CNOT6: variants seen among roughly 807,000 people sequenced by gnomAD.
The protein encoded by CNOT6 is CCR4-NOT transcription complex subunit 6.
A neutral mutation model predicts 61.2 loss-of-function variants in CNOT6; 12 were observed. That is an observed-to-expected ratio of 0.20 (90% CI 0.13 to 0.32). CNOT6 has a LOEUF of 0.32. Ranked by LOEUF, CNOT6 falls within the 10% of genes least tolerant of loss-of-function variation. CNOT6 has a pLI of 1.00. For missense variants in CNOT6, 405 were observed against 663.9 expected, an observed-to-expected ratio of 0.61 and a Z score of 4.28; for synonymous variants, 225 against 240.6, an observed-to-expected ratio of 0.94 and a Z score of 0.60.
At chr5:180,543,576 A>T (rs1319856732) in intron 2 of CNOT6, among the ~76,000 whole-genome samples, 1 of 152,206 alleles carries the variant, frequency 6.6e-6, no homozygotes, top group African/African-American at 2.4e-5. Context: ...ATGTCTTAGC[A>T]TACCTGAACA....
At chr5:180,498,983 G>T (rs935342196) in intron 1 of CNOT6, among the ~76,000 whole-genome samples, 2 of 152,120 alleles carry the variant, frequency 1.3e-5, no homozygotes, top group African/African-American at 2.4e-5. Context: ...TAGAGGCAGG[G>T]TTTCACCATG....
Position 180,562,078 on chromosome 5 carries a change from A to G in CNOT6, c.386-2411A>G, listed in dbSNP as rs377060780. 2.5e-4 allele frequency among the ~76,000 whole-genome samples: 38 copies of G among 152,190 alleles called. No individual in the cohort carries two copies. The South Asian group carries it at 7.5e-3, about 30-fold the overall frequency. ...TTGGGATTCTTTTGGGTCTGTACCC[A>G]TTGGTATTTCCATGTTACTGGCTTC... On this transcript the variant is annotated intron_variant, in intron 4 of 11. Transcript: ENST00000261951.
intron 2 of CNOT6, among the ~76,000 whole-genome samples, chr5:180,549,567 T>G (rs1433637302): frequency 3.3e-5 from 5 of 151,846 alleles, no homozygotes; most frequent in Non-Finnish European, 5.9e-5. Context: ...GAGAATGGCA[T>G]GAACCCGGGA....
intron 2 of CNOT6, among the ~76,000 whole-genome samples, chr5:180,545,675 G>A (rs888318169): frequency 2.0e-5 from 3 of 152,126 alleles, no homozygotes; most frequent in Non-Finnish European, 4.4e-5. Context: ...TAAAGCTGCC[G>A]TGAACATTCC....
chr5:180,552,817 T>C (rs994247993), intron 3 of CNOT6, among the ~76,000 whole-genome samples: 1 of 146,828 alleles, frequency 6.8e-6, no homozygotes, highest in African/African-American at 2.4e-5. Flanking sequence ...AGAATAATCA[T>C]GAACAGTTAA....
At chr5:180,548,095 G>GT (rs888787579) in intron 2 of CNOT6, among the ~76,000 whole-genome samples, 31 of 152,246 alleles carry the variant, frequency 2.0e-4, no homozygotes, top group Middle Eastern at 3.4e-3. Flanking sequence ...ATTTTCTGCT[G>GT]TTTTTTCTTG....
chr5:180,553,864 CTGA>C (rs1759739389), intron 4 of CNOT6, among the ~76,000 whole-genome samples: 1 of 152,078 alleles, frequency 6.6e-6, no homozygotes, highest in South Asian at 2.1e-4. Context: ...TTTGAACCTG[CTGA>C]TGATCAAGAT....
chr5:180,572,004 CT>C (rs34529279), intron 11 of CNOT6, among the ~76,000 whole-genome samples: 1 of 151,962 alleles, frequency 6.6e-6, no homozygotes, highest in South Asian at 2.1e-4. Context: ...ACTTTTTCAC[CT>C]TTTGGGGACA....
intron 4 of CNOT6, among the ~76,000 whole-genome samples, chr5:180,556,131 C>T (rs759071410): frequency 1.3e-5 from 2 of 152,184 alleles, no homozygotes; most frequent in Non-Finnish European, 2.9e-5. Context: ...GTACATAGAA[C>T]AGTCAAGACA....
chr5:180,519,877 T>A (rs1034291065), intron 1 of CNOT6, among the ~76,000 whole-genome samples: 3 of 149,822 alleles, frequency 2.0e-5, no homozygotes, highest in Non-Finnish European at 4.4e-5. Flanking sequence ...CTCTATTGCC[T>A]AGCTGGAGTA....
chr5:180,561,714 G>A (rs1239901265), intron 4 of CNOT6, among the ~76,000 whole-genome samples: 1 of 152,316 alleles, frequency 6.6e-6, no homozygotes, highest in Non-Finnish European at 1.5e-5. Flanking sequence ...ACACCTGGGA[G>A]TGGGGGCTCC....
intron 7 of CNOT6, 101 bp downstream of exon 7, chr5:180,566,078 T>G: frequency 1.8e-6 from 2 of 1,081,196 alleles, no homozygotes; most frequent in Non-Finnish European, 2.6e-6. Context: ...CAGTAGTTCT[T>G]AAAGTACTGC....
At chr5:180,568,126 A>G (rs1465260823) in intron 9 of CNOT6, 123 bp downstream of exon 9, 1 of 923,862 alleles carries the variant, frequency 1.1e-6, no homozygotes, top group Admixed American at 3.4e-5. Flanking sequence ...ACTCAGTGAG[A>G]AGTTGTCTTT....
At chr5:180,536,377 A>G (rs545216530) in intron 2 of CNOT6, among the ~76,000 whole-genome samples, 19 of 152,092 alleles carry the variant, frequency 1.2e-4, no homozygotes, top group East Asian at 7.7e-4. Context: ...GTAGTTGCCA[A>G]TATTTTCTCT....
intron 1 of CNOT6, among the ~76,000 whole-genome samples, chr5:180,506,309 C>G (rs1416328454): frequency 6.6e-6 from 1 of 152,168 alleles, no homozygotes; most frequent in South Asian, 2.1e-4. Context: ...AGCACAAACT[C>G]GAATCAGACT....
chr5:180,535,970 C>A (rs369375859), intron 2 of CNOT6, among the ~76,000 whole-genome samples: 10 of 108,038 alleles, frequency 9.3e-5, no homozygotes, highest in African/African-American at 1.5e-4. Context: ...GTTTCATGTT[C>A]TTTGCCCACT....
chr5:180,573,335 A>G (rs1416176236), intron 11 of CNOT6, among the ~76,000 whole-genome samples: 1 of 152,134 alleles, frequency 6.6e-6, no homozygotes, highest in Non-Finnish European at 1.5e-5. Flanking sequence ...GATGAGAGAG[A>G]CAAGTCTCAA....
At chr5:180,518,457 A>T (rs1045423949) in intron 1 of CNOT6, among the ~76,000 whole-genome samples, 1 of 152,018 alleles carries the variant, frequency 6.6e-6, no homozygotes. Context: ...AAATTAAATC[A>T]CAAGTCTATA....
In CNOT6 at chr5:180,571,243, T is replaced by C; in HGVS notation, c.1272T>C (p.Tyr424=). The C allele has an allele frequency of 6.2e-7, 1 of 1,613,544 alleles. No homozygotes were observed. The highest frequency in any genetic ancestry group is 8.5e-7 in the Non-Finnish European group (1 of 1,179,490). The change falls in exon 11 of 12, where the codon TAT becomes TAC. Residue 424 remains tyrosine, a synonymous_variant. Transcript: ENST00000261951. The part of the protein sequence containing the change: ...NSLPDSGVVE[Y]LSTGGVETNH... ...TCTTCATTGTAGGTGTTGTAGAATATTTGAGCACAGGTGGAGTAGAAACAA... is the reference window on the plus strand; with the variant it reads ...TCTTCATTGTAGGTGTTGTAGAATACTTGAGCACAGGTGGAGTAGAAACAA...
Sources: gnomAD v4.1 joint callset for allele counts (sites outside exome capture counted in the v4.1 genomes callset) on GRCh38, gnomAD v4.1.1 for gene constraint, MANE v1.5 for transcripts, NCBI Gene and HGNC (gene_info 2026-07-23, HGNC 2026-07-21) for gene names.